Variants in PDXDC1 observed in about 807,000 individuals in gnomAD.
PDXDC1 encodes the protein pyridoxal-dependent decarboxylase domain-containing protein 1.
In PDXDC1, 42 loss-of-function variants were observed where a neutral mutation model predicts 100.1. That is an observed-to-expected ratio of 0.42 (90% CI 0.33 to 0.54). The LOEUF (loss-of-function observed/expected upper bound fraction) is 0.54, where lower values mean the gene tolerates loss of function less well. PDXDC1 is among the 20% of genes least tolerant of loss of function. The probability of loss-of-function intolerance (pLI) is 0.10; values close to 1 mark genes in which losing one functional copy is unlikely to be tolerated. For missense variants in PDXDC1, 636 were observed against 979.2 expected, an observed-to-expected ratio of 0.65 and a Z score of 4.68; for synonymous variants, 260 against 371.7, an observed-to-expected ratio of 0.70 and a Z score of 3.46.
At chr16:15,090,959 G>C (rs539674428) in intron 16 of PDXDC1, among the ~76,000 whole-genome samples, 2 of 149,430 alleles carry the variant, frequency 1.3e-5, no homozygotes, top group African/African-American at 2.5e-5. Flanking sequence ...TAATCTAATA[G>C]AAAGGAAGCA....
At chr16:15,090,636 T>G in intron 16 of PDXDC1, among the ~76,000 whole-genome samples, 1 of 152,192 alleles carries the variant, frequency 6.6e-6, no homozygotes, top group Admixed American at 6.5e-5. Flanking sequence ...TCTCTATTGT[T>G]TTCTTGGTTT....
chr16:15,122,024 A>C lies in PDXDC1; in HGVS notation c.1400-16855A>C, dbSNP rs1254643037. 7.9e-3 allele frequency: 2,263 copies of C among 284,658 alleles called. 73 individuals carry two copies. Among genetic ancestry groups the C allele is most frequent in the East Asian group, 0.065 (573 of 8,792 alleles). The allele number at this position is 284,658 out of a possible 1,614,324, so 17.6% of individuals were successfully genotyped here. On this transcript the variant is annotated intron_variant, in intron 16 of 16. Transcript: ENST00000535621. ...GGCGTGGTGGTCTACTAAAAATACA[A>C]AAATTAGCCAGGCGTTGTAATCTGA...
chr16:15,034,406 G>C, intron 20 of PDXDC1, 28 bp downstream of exon 20: 1 of 1,613,478 alleles, frequency 6.2e-7, no homozygotes, highest in East Asian at 2.2e-5. Flanking sequence ...CAGCAGGCTG[G>C]GGGAGCCGCC....
intron 13 of PDXDC1, chr16:15,026,336 T>C: frequency 2.3e-6 from 1 of 436,698 alleles, no homozygotes; most frequent in African/African-American, 2.0e-5. Context: ...TGCTTCTTAC[T>C]GGTTTTAATC....
chr16:15,073,363 G>C (rs533714239), intron 16 of PDXDC1, among the ~76,000 whole-genome samples: 7 of 152,268 alleles, frequency 4.6e-5, no homozygotes, highest in Admixed American at 4.6e-4. Flanking sequence ...AGGCTGAGGC[G>C]GATGAACCGC....
chr16:15,139,779 T>A (rs539356544), downstream of PDXDC1, among the ~76,000 whole-genome samples: 148 of 151,490 alleles, frequency 9.8e-4, 1 homozygote, highest in African/African-American at 3.4e-3. Flanking sequence ...AGACCCGGTC[T>A]CGAAAGAAAA....
intron 16 of PDXDC1, among the ~76,000 whole-genome samples, chr16:15,099,507 G>A (rs1298763284): frequency 6.7e-6 from 1 of 150,014 alleles, no homozygotes; most frequent in Non-Finnish European, 1.5e-5. Flanking sequence ...GACCATGTCC[G>A]TTCTTTGTGG....
chr16:15,021,481 A>G (rs1343805117), intron 12 of PDXDC1, among the ~76,000 whole-genome samples: 2 of 152,288 alleles, frequency 1.3e-5, no homozygotes, highest in African/African-American at 4.8e-5. Context: ...TCACTTCTTG[A>G]GATGTGGTTC....
downstream of PDXDC1, among the ~76,000 whole-genome samples, chr16:15,144,222 G>A (rs2048518775): frequency 6.6e-6 from 1 of 152,190 alleles, no homozygotes; most frequent in South Asian, 2.1e-4. Flanking sequence ...AGGCAGCAGT[G>A]CCACCCCCAC....
chr16:15,011,514 T>C (rs1422028652), intron 8 of PDXDC1, among the ~76,000 whole-genome samples: 1 of 152,294 alleles, frequency 6.6e-6, no homozygotes, highest in Non-Finnish European at 1.5e-5. Context: ...ATACAAAATA[T>C]GTGAACCATA....
intron 19 of PDXDC1, 112 bp from the exon 20 acceptor site, chr16:15,034,174 C>G (rs2043249590): frequency 2.4e-6 from 2 of 844,588 alleles, no homozygotes; most frequent in Non-Finnish European, 3.8e-6. Context: ...CTTTTCAATG[C>G]AGGATTTCAT....
intron 16 of PDXDC1, chr16:15,123,527 A>G: frequency 1.6e-6 from 1 of 620,752 alleles, no homozygotes; most frequent in East Asian, 2.8e-5. Flanking sequence ...CCCGATAGTA[A>G]ACCATCTCCA....
chr16:15,023,298 G>T (rs1257580058), intron 13 of PDXDC1, among the ~76,000 whole-genome samples: 1 of 152,274 alleles, frequency 6.6e-6, no homozygotes, highest in Non-Finnish European at 1.5e-5. Flanking sequence ...GAGAGAATGG[G>T]GATCAGTTCA....
In PDXDC1 at chr16:15,036,260, G is replaced by A. The variant is rs112838308; in HGVS notation, c.2352G>A (p.Pro784=). ...ATGACCACTCACAGGTAGAAGGACC[G>A]GAGAGCTTAAGATGAGACTCATTGT... ...PEDDHSQVEG[P]ESLR Residue 784 remains proline, a synonymous_variant, in exon 23 of 23, where the codon CCG becomes CCA. Transcript: ENST00000396410. The A allele has an allele frequency of 2.4e-5, 39 of 1,613,766 alleles. No homozygotes were observed. The highest frequency in any genetic ancestry group is 1.7e-4 in the Middle Eastern group (1 of 6,060).
intron 16 of PDXDC1, among the ~76,000 whole-genome samples, chr16:15,084,410 C>G (rs1567216853): frequency 6.6e-6 from 1 of 152,062 alleles, no homozygotes; most frequent in Non-Finnish European, 1.5e-5. Flanking sequence ...ATTCCAACCA[C>G]CATACAAAAT....
At chr16:15,011,324 A>G (rs1457403298) in intron 8 of PDXDC1, among the ~76,000 whole-genome samples, 3 of 152,294 alleles carry the variant, frequency 2.0e-5, no homozygotes, top group Admixed American at 6.5e-5. Flanking sequence ...TTTTTCCATC[A>G]GTGGTCTTAG....
At chr16:15,055,956 C>A (rs979562568) in intron 16 of PDXDC1, 11 of 1,228,338 alleles carry the variant, frequency 9.0e-6, no homozygotes, top group Non-Finnish European at 1.1e-5. Context: ...CGCCGCCCCT[C>A]GACGAGCAGC....
At chr16:15,041,716 C>T, downstream of PDXDC1, 2 of 1,455,918 alleles carry the variant, frequency 1.4e-6, no homozygotes, top group Non-Finnish European at 1.9e-6. Context: ...AGAAAAGTTC[C>T]TCTAGTTACC....
At chr16:15,035,284 T>G (rs1164916954) in intron 21 of PDXDC1, among the ~76,000 whole-genome samples, 165 bp from the exon 22 acceptor site, 1 of 152,156 alleles carries the variant, frequency 6.6e-6, no homozygotes, top group Non-Finnish European at 1.5e-5. Context: ...GAGGTGGCTT[T>G]CTCTAGCTCA....
Sources: allele counts gnomAD v4.1 joint callset (sites outside exome capture counted in the v4.1 genomes callset), GRCh38; gene constraint gnomAD v4.1.1; transcripts MANE v1.5; gene names NCBI Gene and HGNC (gene_info 2026-07-23, HGNC 2026-07-21).